The following TXNDC16 variants were observed in gnomAD, a reference collection of about 807,000 sequenced individuals.
TXNDC16 encodes the protein thioredoxin domain-containing protein 16.
A neutral mutation model predicts 85.6 loss-of-function variants in TXNDC16; 74 were observed. The observed-to-expected ratio is 0.86, with a 90% CI of 0.72 to 1.05. TXNDC16 has a LOEUF of 1.05. Ranked by LOEUF, TXNDC16 falls within the 50% of genes least tolerant of loss-of-function variation. TXNDC16 has a pLI of 0.00. For missense variants in TXNDC16, 959 were observed against 947.0 expected (o/e 1.01, Z -0.17); for synonymous variants, 335 against 326.5 (o/e 1.03, Z -0.28).
chr14:52,529,737 G>A (rs1361266298), intron 6 of TXNDC16, among the ~76,000 whole-genome samples: 5 of 109,482 alleles, frequency 4.6e-5, no homozygotes, highest in East Asian at 2.5e-4. Flanking sequence ...TATATATAAT[G>A]CCTATTATAT....
intron 16 of TXNDC16, among the ~76,000 whole-genome samples, chr14:52,469,578 A>G (rs1232000001): frequency 6.6e-6 from 1 of 151,916 alleles, no homozygotes; most frequent in African/African-American, 2.4e-5. Flanking sequence ...CCCCGTCTCT[A>G]CTAAACACAC....
At chr14:52,500,415 G>A (rs34010596) in intron 9 of TXNDC16, among the ~76,000 whole-genome samples, 2,364 of 152,262 alleles carry the variant, frequency 0.016, 30 homozygotes, top group Non-Finnish European at 0.023. Flanking sequence ...AAACTCATAC[G>A]AATGGAAAGT....
At position 52,470,018 on chromosome 14, in the gene TXNDC16, A is replaced by T; in HGVS notation, c.1618+19T>A. 1 of 1,591,306 alleles carries T rather than the reference A, an allele frequency of 6.3e-7. No individual in the cohort carries two copies. Among genetic ancestry groups the T allele is most frequent in the East Asian group, 2.3e-5 (1 of 44,180 alleles). ...ATGATATACTCTACTGTATAATTTA[A>T]AAGCTCAGCTCTGCTTACCTGTTTT... On this transcript the variant is annotated intron_variant, in intron 16 of 20. Transcript: ENST00000281741.
chr14:52,536,056 G>C (rs568591905), intron 6 of TXNDC16, among the ~76,000 whole-genome samples: 1 of 151,778 alleles, frequency 6.6e-6, no homozygotes, highest in South Asian at 2.1e-4. Flanking sequence ...AAAAAACAAA[G>C]ATGAGCTTCC....
chr14:52,527,282 G>T (rs1273131602), intron 6 of TXNDC16, among the ~76,000 whole-genome samples: 1 of 152,118 alleles, frequency 6.6e-6, no homozygotes, highest in East Asian at 1.9e-4. Context: ...ACACATGCAG[G>T]ATCTGATACT....
At chr14:52,516,248 T>C (rs1011093347) in intron 7 of TXNDC16, among the ~76,000 whole-genome samples, 1 of 152,174 alleles carries the variant, frequency 6.6e-6, no homozygotes, top group Non-Finnish European at 1.5e-5. Context: ...CTTGTGCCCA[T>C]TATCTAACAC....
At chr14:52,432,710 T>A in intron 20 of TXNDC16, 123 bp from the exon 21 acceptor site, 2 of 1,003,698 alleles carry the variant, frequency 2.0e-6, no homozygotes, top group Non-Finnish European at 2.7e-6. Context: ...TAGTTTTACT[T>A]ATCTAAGCAA....
At position 52,552,456 on chromosome 14, in the gene TXNDC16, C is replaced by T. The variant is rs2038078913; in HGVS notation, c.-322G>A. The T allele has an allele frequency of 6.6e-6, 1 of 152,252 alleles. No individual in the cohort carries two copies. The highest frequency in any genetic ancestry group is 2.4e-5 in the African/African-American group (1 of 41,458). The allele number at this position is 152,252 out of a possible 1,614,324, so 9.4% of individuals were successfully genotyped here. On this transcript the variant is annotated 5_prime_UTR_variant, in exon 1 of 21. Transcript: ENST00000281741. ...GGTAGCCTGGAACCACTTCGCCAACCTGCAAAGGCGTAGCACTTCTCCCTC... is the reference window on the plus strand; with the variant it reads ...GGTAGCCTGGAACCACTTCGCCAACTTGCAAAGGCGTAGCACTTCTCCCTC...
chr14:52,442,386 G>A (rs985487407), intron 18 of TXNDC16, among the ~76,000 whole-genome samples: 6 of 152,150 alleles, frequency 3.9e-5, no homozygotes, highest in African/African-American at 1.4e-4. Flanking sequence ...AGTGATGGTA[G>A]AATCCAGGCA....
At chr14:52,458,198 T>C (rs766296118) in intron 16 of TXNDC16, among the ~76,000 whole-genome samples, 6 of 152,146 alleles carry the variant, frequency 3.9e-5, no homozygotes, top group Non-Finnish European at 7.4e-5. Context: ...ATACTGTCTG[T>C]AGGAAAGCAA....
chr14:52,546,250 G>A (rs1210008140), intron 1 of TXNDC16, among the ~76,000 whole-genome samples: 1 of 152,170 alleles, frequency 6.6e-6, no homozygotes, highest in Non-Finnish European at 1.5e-5. Flanking sequence ...ACTCCAGCCT[G>A]GGTGAAAGAG....
At chr14:52,547,504 T>C (rs1352873441) in intron 1 of TXNDC16, among the ~76,000 whole-genome samples, 2 of 152,228 alleles carry the variant, frequency 1.3e-5, no homozygotes, top group Admixed American at 6.5e-5. Context: ...TTTCCTGTAA[T>C]TCATTTCTAT....
rs191325620 is a variant in TXNDC16, at chr14:52,463,477, C to A, written c.1619-6303G>T. ...AAAGAACCATTTGCGGCTGGGCAGC[C>A]CCCCCAAACCAGAATAGGTTCATGG... On this transcript the variant is annotated intron_variant, in intron 16 of 20. Transcript: ENST00000281741. 3.3e-5 allele frequency among the ~76,000 whole-genome samples: 5 copies of A among 152,246 alleles called. No homozygotes were observed. The South Asian group carries it at 6.2e-4, about 19-fold the overall frequency.
At chr14:52,551,789 C>CCATA (rs10660957) in intron 1 of TXNDC16, among the ~76,000 whole-genome samples, 36,182 of 151,898 alleles carry the variant, frequency 0.24, 5,338 homozygotes, top group African/African-American at 0.43. Flanking sequence ...CCACCATCTA[C>CCATA]CATACACAGG....
At chr14:52,544,694 G>A (rs1002404093) in intron 1 of TXNDC16, among the ~76,000 whole-genome samples, 10 of 150,914 alleles carry the variant, frequency 6.6e-5, no homozygotes, top group South Asian at 2.1e-4. Flanking sequence ...CTAACAAGCC[G>A]GTGTTCCTGA....
chr14:52,477,432 C>A (rs1159218959), intron 14 of TXNDC16, among the ~76,000 whole-genome samples: 1 of 152,042 alleles, frequency 6.6e-6, no homozygotes, highest in Non-Finnish European at 1.5e-5. Flanking sequence ...AAGAGACACA[C>A]CTAACACATA....
At chr14:52,551,109 CCA>C (rs2038034752) in intron 1 of TXNDC16, among the ~76,000 whole-genome samples, 2 of 152,136 alleles carry the variant, frequency 1.3e-5, no homozygotes, top group South Asian at 4.1e-4. Flanking sequence ...TGTACATCTA[CCA>C]CAGTTTGTCA....
intron 17 of TXNDC16, among the ~76,000 whole-genome samples, chr14:52,455,711 T>C (rs2035517551): frequency 1.3e-5 from 2 of 152,222 alleles, no homozygotes. Flanking sequence ...CATATTTTTT[T>C]CTATACAACT....
At chr14:52,511,525 T>C (rs2036954997) in intron 8 of TXNDC16, 135 bp from the exon 9 acceptor site, 1 of 505,172 alleles carries the variant, frequency 2.0e-6, no homozygotes, top group Non-Finnish European at 3.3e-6. Flanking sequence ...TGAAAGAGTA[T>C]AAAATTAAAT....
Sources: gnomAD v4.1 joint callset for allele counts (sites outside exome capture counted in the v4.1 genomes callset) on GRCh38, gnomAD v4.1.1 for gene constraint, MANE v1.5 for transcripts, NCBI Gene and HGNC (gene_info 2026-07-23, HGNC 2026-07-21) for gene names.